NTAQ1: variants seen among roughly 807,000 people sequenced by gnomAD.
The protein encoded by NTAQ1 is N-terminal glutamine amidase 1, also known as protein N-terminal glutamine amidohydrolase.
A neutral mutation model predicts 28.2 loss-of-function variants in NTAQ1; 21 were observed. That is an observed-to-expected ratio of 0.74 (90% CI 0.53 to 1.07). The LOEUF (loss-of-function observed/expected upper bound fraction) is 1.07, where lower values mean the gene tolerates loss of function less well. NTAQ1 is among the 50% of genes least tolerant of loss of function. The pLI is 0.00. For missense variants in NTAQ1, 264 were observed against 256.6 expected, an observed-to-expected ratio of 1.03 and a Z score of -0.20; for synonymous variants, 105 against 90.0, an observed-to-expected ratio of 1.17 and a Z score of -0.94.
intron 1 of NTAQ1, among the ~76,000 whole-genome samples, chr8:123,425,981 G>A (rs906112134): frequency 6.6e-5 from 10 of 152,292 alleles, no homozygotes; most frequent in Non-Finnish European, 1.5e-4. Context: ...CTGAGATTGT[G>A]TCACTGCACT....
intron 3 of NTAQ1, among the ~76,000 whole-genome samples, chr8:123,432,346 A>G (rs1814446887): frequency 6.6e-6 from 1 of 152,160 alleles, no homozygotes; most frequent in Non-Finnish European, 1.5e-5. Context: ...AATCATTCCT[A>G]TAATAATTTC....
At chr8:123,421,691 TTTC>T (rs1813703057) in intron 1 of NTAQ1, among the ~76,000 whole-genome samples, 1 of 127,114 alleles carries the variant, frequency 7.9e-6, no homozygotes, top group African/African-American at 2.9e-5. Flanking sequence ...GTATTTTTCT[TTTC>T]TTTTTTTTTT....
downstream of NTAQ1, among the ~76,000 whole-genome samples, chr8:123,443,422 A>G (rs979068022): frequency 6.6e-6 from 1 of 152,236 alleles, no homozygotes; most frequent in Non-Finnish European, 1.5e-5. Flanking sequence ...GAGCAGTCAC[A>G]GGGTTGTAAC....
Position 123,437,267 on chromosome 8 carries a change from T to G in NTAQ1, c.441T>G (p.Ser147=), listed in dbSNP as rs1204304050. The change falls in exon 5 of 6, where the codon TCT becomes TCG. Residue 147 remains serine, a synonymous_variant. Coordinates refer to ENST00000287387, the MANE Select transcript of NTAQ1 (RefSeq NM_018024.3). ...SYLKNFASDR[S]HMKDSSGNWR... ...TGAAGAACTTTGCTTCTGACCGATC[T>G]CACATGAAAGACTCCAGTGGGAATT... 10 of 1,614,042 alleles carry G rather than the reference T, an allele frequency of 6.2e-6. No homozygotes were observed. The highest frequency in any genetic ancestry group is 7.6e-6 in the Non-Finnish European group (9 of 1,180,026).
At chr8:123,458,451 C>A (rs1815719513) in intron 6 of NTAQ1, among the ~76,000 whole-genome samples, 1 of 151,928 alleles carries the variant, frequency 6.6e-6, no homozygotes, top group African/African-American at 2.4e-5. Flanking sequence ...TAGGTGAAAC[C>A]ATTAAACAGC....
intron 3 of NTAQ1, 143 bp from the exon 4 acceptor site, chr8:123,436,310 T>A (rs1035223028): frequency 3.2e-6 from 2 of 621,110 alleles, no homozygotes; most frequent in Non-Finnish European, 5.3e-6. Flanking sequence ...TTTCAGGGTG[T>A]TGTGTTTGCT....
intron 5 of NTAQ1, among the ~76,000 whole-genome samples, chr8:123,437,759 T>G (rs1328187729): frequency 1.3e-5 from 2 of 148,966 alleles, no homozygotes; most frequent in Non-Finnish European, 1.5e-5. Context: ...GATAAGGAGG[T>G]CATAGGAAAT....
chr8:123,431,536 T>A (rs1337938482), intron 3 of NTAQ1, among the ~76,000 whole-genome samples: 1 of 152,168 alleles, frequency 6.6e-6, no homozygotes, highest in Non-Finnish European at 1.5e-5. Flanking sequence ...AAAAACAGAT[T>A]AAAATCCCTG....
intron 5 of NTAQ1, among the ~76,000 whole-genome samples, 192 bp from the exon 6 acceptor site, chr8:123,441,114 T>G (rs1341188574): frequency 6.6e-6 from 1 of 152,176 alleles, no homozygotes; most frequent in Non-Finnish European, 1.5e-5. Flanking sequence ...TCTGTTTCCC[T>G]CAGTTTGGGT....
At chr8:123,449,529 G>T (rs1815406822), downstream of NTAQ1, among the ~76,000 whole-genome samples, 1 of 152,070 alleles carries the variant, frequency 6.6e-6, no homozygotes, top group Non-Finnish European at 1.5e-5. Flanking sequence ...CTCTACTGTT[G>T]CTGTATCACT....
intron 1 of NTAQ1, among the ~76,000 whole-genome samples, chr8:123,421,932 G>A (rs13252934): frequency 0.36 from 54,494 of 151,544 alleles, 9,906 homozygotes; most frequent in East Asian, 0.56. Flanking sequence ...CGCCTGCCTC[G>A]GCCTCCCAAA....
intron 3 of NTAQ1, 55 bp from the exon 4 acceptor site, chr8:123,436,398 T>C: frequency 5.1e-6 from 8 of 1,567,428 alleles, no homozygotes; most frequent in Non-Finnish European, 7.0e-6. Context: ...GTCTGAATAC[T>C]GGGATTTCAT....
intron 3 of NTAQ1, among the ~76,000 whole-genome samples, chr8:123,433,849 G>A (rs1814538680): frequency 6.6e-6 from 1 of 152,126 alleles, no homozygotes; most frequent in South Asian, 2.1e-4. Context: ...TGGGCTGCAT[G>A]TGGCCCAAGA....
intron 5 of NTAQ1, among the ~76,000 whole-genome samples, chr8:123,440,023 A>T (rs985168422): frequency 6.6e-6 from 1 of 151,170 alleles, no homozygotes; most frequent in Non-Finnish European, 1.5e-5. Flanking sequence ...TGTTGGATTT[A>T]GTTATGGAAT....
chr8:123,453,205 G>C (rs1252466807), intron 6 of NTAQ1, among the ~76,000 whole-genome samples: 1 of 152,148 alleles, frequency 6.6e-6, no homozygotes, highest in East Asian at 1.9e-4. Context: ...AGGAGATCTT[G>C]TCCCTGCCCC....
At chr8:123,429,271 A>G (rs1814253123) in intron 2 of NTAQ1, among the ~76,000 whole-genome samples, 1 of 152,240 alleles carries the variant, frequency 6.6e-6, no homozygotes, top group Non-Finnish European at 1.5e-5. Flanking sequence ...TCCAAAGACC[A>G]TCATACAATA....
At chr8:123,435,422 G>A in intron 3 of NTAQ1, 4 of 974,808 alleles carry the variant, frequency 4.1e-6, no homozygotes, top group Non-Finnish European at 3.7e-6. Flanking sequence ...AGAAATTAAA[G>A]TCCTCCTTCT....
At chr8:123,460,685 T>A (rs1010835037) in intron 6 of NTAQ1, among the ~76,000 whole-genome samples, 1 of 152,170 alleles carries the variant, frequency 6.6e-6, no homozygotes, top group Non-Finnish European at 1.5e-5. Context: ...TGCAGTGTCC[T>A]TTGGCTGTGG....
chr8:123,449,859 TTCTCTCTCTCTCTCTCTCTC>T (rs112959997), downstream of NTAQ1, among the ~76,000 whole-genome samples: 1 of 111,206 alleles, frequency 9.0e-6, no homozygotes, highest in Non-Finnish European at 1.7e-5. Context: ...GCTCGCTGCT[TTCTCTCTCTCTCTCTCTCTC>T]TCTCTCTCTC....
Sources: allele counts gnomAD v4.1 joint callset (sites outside exome capture counted in the v4.1 genomes callset), GRCh38; gene constraint gnomAD v4.1.1; transcripts MANE v1.5; gene names NCBI Gene and HGNC (gene_info 2026-07-23, HGNC 2026-07-21).